The following ANKFN1 variants were observed in gnomAD, a reference collection of about 807,000 sequenced individuals.
ANKFN1 encodes the protein ankyrin repeat and fibronectin type-III domain-containing protein 1.
Under a neutral mutation model 108.7 loss-of-function variants are expected in ANKFN1, and 74 were observed. That is an observed-to-expected ratio of 0.68 (90% CI 0.56 to 0.83). The LOEUF (loss-of-function observed/expected upper bound fraction) is 0.83. Among genes scored for constraint, ANKFN1 ranks in the 40% least tolerant of loss-of-function variants. ANKFN1 has a pLI of 0.00. For synonymous variants in ANKFN1, 547 were observed against 516.2 expected (o/e 1.06, Z -0.81); for missense variants, 1,505 against 1,382.3 (o/e 1.09, Z -1.41).
intron 8 of ANKFN1, among the ~76,000 whole-genome samples, chr17:56,388,116 ATTTC>A (rs2047327295): frequency 1.3e-5 from 2 of 150,810 alleles, no homozygotes; most frequent in South Asian, 4.2e-4. Context: ...TTCTATGGCT[ATTTC>A]TTTCTTTTTT....
intron 14 of ANKFN1, among the ~76,000 whole-genome samples, chr17:56,464,249 T>C (rs2050003650): frequency 6.6e-6 from 1 of 152,220 alleles, no homozygotes; most frequent in Non-Finnish European, 1.5e-5. Context: ...TATCTACAGC[T>C]GATAGTGAAC....
At chr17:56,459,955 C>T (rs2049844854) in intron 14 of ANKFN1, among the ~76,000 whole-genome samples, 1 of 152,060 alleles carries the variant, frequency 6.6e-6, no homozygotes, top group South Asian at 2.1e-4. Context: ...ATCTTAATCA[C>T]TTCCTTGAAA....
At position 56,353,850 on chromosome 17, in the gene ANKFN1, T is replaced by C. The variant is rs1403744642; in HGVS notation, c.405T>C (p.Asn135=). 1.2e-6 allele frequency: 2 copies of C among 1,613,860 alleles called. No homozygotes were observed. Among genetic ancestry groups the C allele is most frequent in the African/African-American group, 2.7e-5 (2 of 74,910 alleles). ...CTCCTCTCTAGAATTTCCAGGGCAA[T>C]GAAGCCATGTTTGAGGCAGTCGAAC... ...LRKTSVNFQG[N]EAMFEAVEQQ... is the part of the protein sequence containing the mutation. The change falls in exon 6 of 21, where the codon AAT becomes AAC. Residue 135 remains asparagine, a synonymous_variant. Coordinates refer to ENST00000682825, the MANE Select transcript of ANKFN1 (RefSeq NM_001370326.1).
At chr17:56,354,151 C>T in intron 6 of ANKFN1, 105 bp downstream of exon 6, 2 of 1,085,504 alleles carry the variant, frequency 1.8e-6, no homozygotes, top group South Asian at 2.9e-5. Context: ...GTTGACTAAG[C>T]ATAGACTCTG....
chr17:56,326,439 C>T (rs975492980), intron 4 of ANKFN1, 84 bp downstream of exon 4: 1 of 1,494,260 alleles, frequency 6.7e-7, no homozygotes, highest in Non-Finnish European at 8.9e-7. Flanking sequence ...GTATATGTTG[C>T]TGTGGCTTAA....
chr17:56,112,769 A>C (rs189185941), intron 4 of ANKFN1, among the ~76,000 whole-genome samples: 3 of 152,036 alleles, frequency 2.0e-5, no homozygotes, highest in Non-Finnish European at 4.4e-5. Context: ...TTTCTTTTAA[A>C]CATTGTATAG....
chr17:56,347,866 T>A (rs2046147225), intron 4 of ANKFN1, among the ~76,000 whole-genome samples: 1 of 152,010 alleles, frequency 6.6e-6, no homozygotes, highest in Non-Finnish European at 1.5e-5. Context: ...TGTCATCAGT[T>A]AGAGGGCAAG....
intron 15 of ANKFN1, 47 bp from the exon 16 acceptor site, chr17:56,477,441 C>G (rs534391006): frequency 6.7e-7 from 1 of 1,485,902 alleles, no homozygotes; most frequent in Non-Finnish European, 8.9e-7. Context: ...GATTGCCCTT[C>G]GAGTTGTTTT....
intron 4 of ANKFN1, among the ~76,000 whole-genome samples, chr17:56,082,945 G>C (rs1192619994): frequency 6.6e-6 from 1 of 151,394 alleles, no homozygotes; most frequent in Non-Finnish European, 1.5e-5. Flanking sequence ...TTCTTCCTGA[G>C]TGGTTGCAGA....
chr17:56,404,697 G>A (rs562411903), intron 8 of ANKFN1, among the ~76,000 whole-genome samples: 37 of 152,064 alleles, frequency 2.4e-4, no homozygotes, highest in Non-Finnish European at 4.6e-4. Context: ...ACCCATTGCT[G>A]GTGAACTAGT....
At chr17:56,142,400 A>C (rs1174240261) in intron 4 of ANKFN1, among the ~76,000 whole-genome samples, 1 of 152,224 alleles carries the variant, frequency 6.6e-6, no homozygotes, top group Admixed American at 6.5e-5. Flanking sequence ...AGTTCACTCC[A>C]TGAAGAGTAA....
intron 8 of ANKFN1, among the ~76,000 whole-genome samples, chr17:56,396,405 G>A (rs945549821): frequency 8.5e-5 from 13 of 152,180 alleles, no homozygotes; most frequent in African/African-American, 1.4e-4. Flanking sequence ...CTGAGATTGC[G>A]CCACTGCTCT....
At chr17:56,283,891 AT>A in intron 3 of ANKFN1, among the ~76,000 whole-genome samples, 1 of 152,250 alleles carries the variant, frequency 6.6e-6, no homozygotes, top group South Asian at 2.1e-4. Context: ...ACCTATGGAA[AT>A]AAATTAAAAA....
At chr17:56,489,300 G>A (rs556877680) in intron 18 of ANKFN1, among the ~76,000 whole-genome samples, 23 of 152,250 alleles carry the variant, frequency 1.5e-4, no homozygotes, top group South Asian at 6.2e-4. Context: ...CATTTTATCC[G>A]TAAAATGCAT....
intron 4 of ANKFN1, among the ~76,000 whole-genome samples, chr17:56,104,185 C>T (rs923150620): frequency 3.3e-5 from 5 of 152,034 alleles, no homozygotes; most frequent in East Asian, 1.9e-4. Context: ...CATTGCAACC[C>T]GTTTTAATAT....
At chr17:56,508,309 T>G (rs938001220) in intron 20 of ANKFN1, among the ~76,000 whole-genome samples, 2 of 152,238 alleles carry the variant, frequency 1.3e-5, no homozygotes, top group African/African-American at 4.8e-5. Flanking sequence ...ACAAACTCCT[T>G]ATCTAAGCAT....
intron 1 of ANKFN1, among the ~76,000 whole-genome samples, chr17:56,189,578 GA>G (rs879551546): frequency 6.6e-6 from 1 of 152,176 alleles, no homozygotes; most frequent in Non-Finnish European, 1.5e-5. Context: ...GATAACCTGG[GA>G]CTTTTGGGAT....
At chr17:56,238,110 T>C (rs1313526802) in intron 3 of ANKFN1, among the ~76,000 whole-genome samples, 2 of 152,208 alleles carry the variant, frequency 1.3e-5, no homozygotes, top group Non-Finnish European at 2.9e-5. Context: ...TAGTCTTGAC[T>C]TCTATTTTTA....
chr17:56,462,368 G>T (rs565983294), intron 14 of ANKFN1, among the ~76,000 whole-genome samples: 3 of 152,324 alleles, frequency 2.0e-5, no homozygotes, highest in Non-Finnish European at 4.4e-5. Context: ...GCCAAGGCGG[G>T]CAGATCACCT....
Sources: allele counts gnomAD v4.1 joint callset (sites outside exome capture counted in the v4.1 genomes callset), GRCh38; gene constraint gnomAD v4.1.1; transcripts MANE v1.5; gene names NCBI Gene and HGNC (gene_info 2026-07-23, HGNC 2026-07-21).